NEGR1: variants seen among roughly 807,000 people sequenced by gnomAD.
The protein encoded by NEGR1 is neuronal growth regulator 1.
In NEGR1, 10 loss-of-function variants were observed where a neutral mutation model predicts 40.9. The observed-to-expected ratio is 0.24, with a 90% CI of 0.15 to 0.42. The LOEUF (loss-of-function observed/expected upper bound fraction) is 0.42. NEGR1 is among the 10% of genes least tolerant of loss of function. The pLI, the probability that NEGR1 is intolerant of heterozygous loss-of-function variation, is 1.00. For synonymous variants in NEGR1, 185 were observed against 166.8 expected, an observed-to-expected ratio of 1.11 and a Z score of -0.84; for missense variants, 352 against 438.9, an observed-to-expected ratio of 0.80 and a Z score of 1.77.
chr1:71,492,921 T>C (rs1646939005), intron 6 of NEGR1, among the ~76,000 whole-genome samples: 1 of 152,132 alleles, frequency 6.6e-6, no homozygotes, highest in Admixed American at 6.6e-5. Flanking sequence ...ATGTTCAAGA[T>C]AGAATTCACC....
At chr1:71,438,921 C>A (rs866603325) in intron 6 of NEGR1, among the ~76,000 whole-genome samples, 1 of 152,108 alleles carries the variant, frequency 6.6e-6, no homozygotes, top group Non-Finnish European at 1.5e-5. Context: ...GCTATACTGG[C>A]CAGAGGCACA....
At chr1:71,843,492 C>A in intron 2 of NEGR1, among the ~76,000 whole-genome samples, 1 of 152,074 alleles carries the variant, frequency 6.6e-6, no homozygotes, top group East Asian at 1.9e-4. Context: ...TGAGACAAGT[C>A]CACTAAGCAA....
intron 6 of NEGR1, among the ~76,000 whole-genome samples, chr1:71,588,844 T>C (rs868018317): frequency 2.6e-5 from 4 of 152,124 alleles, no homozygotes; most frequent in Non-Finnish European, 5.9e-5. Context: ...GTTCATCAAA[T>C]GTTAGGGTGT....
At chr1:72,100,177 T>C (rs1648879311) in intron 1 of NEGR1, among the ~76,000 whole-genome samples, 1 of 152,198 alleles carries the variant, frequency 6.6e-6, no homozygotes, top group Non-Finnish European at 1.5e-5. Context: ...GAATTGTAGC[T>C]ACCACCAAAG....
chr1:71,873,525 A>G (rs908553720), intron 2 of NEGR1, among the ~76,000 whole-genome samples: 3 of 152,194 alleles, frequency 2.0e-5, no homozygotes, highest in Admixed American at 2.0e-4. Context: ...GGAAAATGAC[A>G]TCTTCCCTAA....
chr1:71,671,557 A>C (rs1652432311), intron 4 of NEGR1, among the ~76,000 whole-genome samples: 1 of 152,224 alleles, frequency 6.6e-6, no homozygotes, highest in African/African-American at 2.4e-5. Context: ...ATACTCAAGT[A>C]ATGATTTCCA....
chr1:71,976,350 A>G (rs549621766), intron 1 of NEGR1, among the ~76,000 whole-genome samples: 1 of 152,228 alleles, frequency 6.6e-6, no homozygotes, highest in African/African-American at 2.4e-5. Flanking sequence ...ACGAAGAGAT[A>G]AAAGAGTAAT....
intron 5 of NEGR1, among the ~76,000 whole-genome samples, chr1:71,595,339 A>C (rs1395928807): frequency 2.0e-5 from 3 of 152,198 alleles, no homozygotes; most frequent in Non-Finnish European, 4.4e-5. Context: ...ACTTTTCTGA[A>C]ATTACTAGAG....
intron 6 of NEGR1, among the ~76,000 whole-genome samples, chr1:71,430,852 C>G (rs964967325): frequency 6.6e-6 from 1 of 151,582 alleles, no homozygotes; most frequent in Non-Finnish European, 1.5e-5. Flanking sequence ...CTCCGTCTCC[C>G]GGGTTCACGC....
At chr1:72,076,378 C>T (rs1647734252) in intron 1 of NEGR1, among the ~76,000 whole-genome samples, 2 of 152,204 alleles carry the variant, frequency 1.3e-5, no homozygotes, top group Admixed American at 6.5e-5. Flanking sequence ...AATTTGCCTA[C>T]ACCTTGATCT....
At chr1:71,950,953 T>C (rs1378146442) in intron 1 of NEGR1, among the ~76,000 whole-genome samples, 2 of 151,986 alleles carry the variant, frequency 1.3e-5, no homozygotes. Context: ...ATTTTTCTTT[T>C]TGTTTTCTCT....
At chr1:71,558,936 A>G (rs1390054014) in intron 6 of NEGR1, among the ~76,000 whole-genome samples, 1 of 149,582 alleles carries the variant, frequency 6.7e-6, no homozygotes, top group African/African-American at 2.4e-5. Flanking sequence ...CTCAGCAGAC[A>G]GTGTTAGGGA....
At chr1:71,930,527 A>G (rs149962279) in intron 2 of NEGR1, among the ~76,000 whole-genome samples, 17 of 152,214 alleles carry the variant, frequency 1.1e-4, no homozygotes, top group African/African-American at 3.9e-4. Flanking sequence ...CTTCCTATCT[A>G]TCTTGGTGTT....
At chr1:72,158,318 A>G (rs574611879) in intron 1 of NEGR1, among the ~76,000 whole-genome samples, 1 of 152,304 alleles carries the variant, frequency 6.6e-6, no homozygotes, top group African/African-American at 2.4e-5. Context: ...CTAATACAGA[A>G]AGTAGGATAT....
At chr1:72,234,868 CAG>C (rs2100504150) in intron 1 of NEGR1, among the ~76,000 whole-genome samples, 2 of 152,190 alleles carry the variant, frequency 1.3e-5, no homozygotes, top group African/African-American at 4.8e-5. Context: ...TTGTGGAAGA[CAG>C]AGTGGCAATT....
chr1:72,112,212 CT>C (rs370637197), intron 1 of NEGR1, among the ~76,000 whole-genome samples: 9,916 of 145,548 alleles, frequency 0.068, 376 homozygotes, highest in African/African-American at 0.11. Flanking sequence ...ATTTTCTTCA[CT>C]TTTTTTTTTT....
chr1:71,495,479 A>G (rs1440733788), intron 6 of NEGR1, among the ~76,000 whole-genome samples: 4 of 27,432 alleles, frequency 1.5e-4, no homozygotes, highest in Non-Finnish European at 2.4e-4. Flanking sequence ...TCCATCTCGG[A>G]AAAAAAAAAA....
At chr1:71,678,341 C>T (rs1273443814) in intron 4 of NEGR1, among the ~76,000 whole-genome samples, 1 of 152,112 alleles carries the variant, frequency 6.6e-6, no homozygotes, top group East Asian at 1.9e-4. Flanking sequence ...CTCTTTACTA[C>T]TTTACAATGA....
rs562528346 is a variant in NEGR1 at position 71,841,519 on chromosome 1, C to T, written c.410-65222G>A. Among the ~76,000 whole-genome samples the T allele has an allele frequency of 1.4e-4, 21 of 152,188 alleles. No individual in the cohort carries two copies. In the South Asian group the frequency reaches 4.4e-3, roughly 32 times the overall value. On this transcript the variant is annotated intron_variant, in intron 2 of 6. Transcript: ENST00000357731. ...ATTGTCTAATCGCATCCTGCCTTTT[C>T]AGTTATGTTTGTACATATTTGTCCC...
Sources: gnomAD v4.1 joint callset for allele counts (sites outside exome capture counted in the v4.1 genomes callset) on GRCh38, gnomAD v4.1.1 for gene constraint, MANE v1.5 for transcripts, NCBI Gene and HGNC (gene_info 2026-07-23, HGNC 2026-07-21) for gene names.